Variants in TAF2 observed in about 807,000 individuals in gnomAD.
The protein encoded by TAF2 is transcription initiation factor TFIID subunit 2.
A neutral mutation model predicts 138.5 loss-of-function variants in TAF2; 61 were observed. The observed-to-expected ratio is 0.44, with a 90% CI of 0.36 to 0.54. The LOEUF (loss-of-function observed/expected upper bound fraction) is 0.54. TAF2 is among the 20% of genes least tolerant of loss of function. The pLI, the probability that TAF2 is intolerant of heterozygous loss-of-function variation, is 0.00. For synonymous variants in TAF2, 475 were observed against 469.9 expected, an observed-to-expected ratio of 1.01 and a Z score of -0.14; for missense variants, 1,090 against 1,427.9, an observed-to-expected ratio of 0.76 and a Z score of 3.81.
At chr8:119,754,190 T>G (rs1437595546) in intron 22 of TAF2, among the ~76,000 whole-genome samples, 1 of 152,190 alleles carries the variant, frequency 6.6e-6, no homozygotes, top group Non-Finnish European at 1.5e-5. Context: ...CTCGGTGGTA[T>G]TGCACTGTTA....
At position 119,754,265 on chromosome 8, in the gene TAF2, T is replaced by A. The variant is rs376762794; in HGVS notation, c.2878+1741A>T. 6.6e-5 allele frequency among the ~76,000 whole-genome samples: 10 copies of A among 152,276 alleles called. No homozygotes were observed. The East Asian group carries it at 9.7e-4, about 15-fold the overall frequency. ...ATCTCAATATTAGTGAACTAAGTAATAAAATAAAAGAATTAAAATTTGGTA... is the reference window on the plus strand; with the variant it reads ...ATCTCAATATTAGTGAACTAAGTAAAAAAATAAAAGAATTAAAATTTGGTA... On this transcript the variant is annotated intron_variant, in intron 22 of 25. Coordinates refer to ENST00000378164, the MANE Select transcript of TAF2 (RefSeq NM_003184.4).
rs1820024222 is a variant in TAF2, at chr8:119,747,021, CTTTAT to C, written c.2879-92_2879-88del. The C allele has an allele frequency of 1.7e-4, 236 of 1,383,350 alleles. 1 individual carries two copies. In the South Asian group the frequency reaches 2.8e-3, roughly 16 times the overall value. The allele number at this position is 1,383,350 out of a possible 1,614,324, so 85.7% of individuals were successfully genotyped here. A position where few individuals can be genotyped will look rare whatever the true frequency, so the allele number is the denominator to read the frequency against. On this transcript the variant is annotated intron_variant, in intron 22 of 25. Transcript: ENST00000378164. ...CCCAGAACCTGAACAACAAAAGGAA[CTTTAT>C]AACTGGAAAAACCTTTATCACACCT...
chr8:119,802,584 A>G (rs2131209824), intron 5 of TAF2, among the ~76,000 whole-genome samples: 1 of 152,286 alleles, frequency 6.6e-6, no homozygotes, highest in Non-Finnish European at 1.5e-5. Flanking sequence ...AAAGTGTGTA[A>G]GACATTATCC....
chr8:119,745,205 T>C (rs1033025223), intron 23 of TAF2, among the ~76,000 whole-genome samples: 1 of 152,146 alleles, frequency 6.6e-6, no homozygotes, highest in Non-Finnish European at 1.5e-5. Context: ...CTGGTCTTTT[T>C]GGGGGGAGAA....
chr8:119,789,787 T>C, intron 11 of TAF2, 41 bp from the exon 12 acceptor site: 2 of 1,574,330 alleles, frequency 1.3e-6, no homozygotes, highest in Non-Finnish European at 1.7e-6. Flanking sequence ...TATAACAGAT[T>C]CTTTTCAATT....
chr8:119,789,472 A>G (rs1272065019), intron 12 of TAF2, 120 bp downstream of exon 12: 4 of 1,213,842 alleles, frequency 3.3e-6, no homozygotes, highest in Non-Finnish European at 4.8e-6. Context: ...ACCATTGTTT[A>G]GAAATATAAA....
intron 3 of TAF2, among the ~76,000 whole-genome samples, chr8:119,815,426 C>T (rs1825392242): frequency 6.6e-6 from 1 of 151,692 alleles, no homozygotes; most frequent in Admixed American, 6.6e-5. Flanking sequence ...AGGCGCCTGC[C>T]ACCACACCTG....
At chr8:119,831,195 C>T (rs947523540) in intron 2 of TAF2, among the ~76,000 whole-genome samples, 3 of 152,054 alleles carry the variant, frequency 2.0e-5, no homozygotes, top group Admixed American at 6.5e-5. Context: ...TAAATTGTGT[C>T]GGGAGGCAGG....
intron 5 of TAF2, among the ~76,000 whole-genome samples, chr8:119,803,484 A>C (rs1824404760): frequency 6.6e-6 from 1 of 152,144 alleles, no homozygotes; most frequent in Admixed American, 6.5e-5. Context: ...TGAGGTCAGG[A>C]ATTAAAGGCC....
intron 4 of TAF2, among the ~76,000 whole-genome samples, chr8:119,804,352 C>T (rs1474974072): frequency 6.6e-6 from 1 of 152,170 alleles, no homozygotes; most frequent in Non-Finnish European, 1.5e-5. Flanking sequence ...CACACTTAGG[C>T]CTTCCAAATC....
At chr8:119,823,133 C>T (rs1348044530) in intron 2 of TAF2, among the ~76,000 whole-genome samples, 1 of 152,166 alleles carries the variant, frequency 6.6e-6, no homozygotes, top group Non-Finnish European at 1.5e-5. Context: ...GTTCAAGACT[C>T]AAGGTTTTAA....
chr8:119,732,435 C>A (rs967067530), intron 25 of TAF2, among the ~76,000 whole-genome samples: 51 of 152,154 alleles, frequency 3.4e-4, no homozygotes, highest in African/African-American at 1.2e-3. Context: ...CAGTGTGTTA[C>A]CAAATCATCT....
intron 3 of TAF2, among the ~76,000 whole-genome samples, chr8:119,816,326 G>GGATTACA (rs1477621151): frequency 6.6e-6 from 1 of 150,740 alleles, no homozygotes; most frequent in Non-Finnish European, 1.5e-5. Flanking sequence ...CAGAGTGCTG[G>GGATTACA]GATTACAGGC....
chr8:119,804,441 G>A (rs1452267629), intron 4 of TAF2, among the ~76,000 whole-genome samples: 2 of 152,130 alleles, frequency 1.3e-5, no homozygotes, highest in Non-Finnish European at 2.9e-5. Flanking sequence ...ACTCCCATGT[G>A]GTATGGGAGG....
intron 3 of TAF2, among the ~76,000 whole-genome samples, chr8:119,815,493 C>T (rs912027094): frequency 3.3e-5 from 5 of 151,832 alleles, no homozygotes; most frequent in African/African-American, 9.7e-5. Context: ...CCAGGATGGT[C>T]TCGATCCCCT....
At chr8:119,816,664 T>C (rs1825498219) in intron 3 of TAF2, among the ~76,000 whole-genome samples, 1 of 152,216 alleles carries the variant, frequency 6.6e-6, no homozygotes, top group Non-Finnish European at 1.5e-5. Context: ...AAGTTCTCTT[T>C]AAAAATAACA....
At position 119,812,832 on chromosome 8, in the gene TAF2, T is replaced by C. The variant is rs574798816; in HGVS notation, c.300-6431A>G. 2.6e-5 allele frequency among the ~76,000 whole-genome samples: 4 copies of C among 151,872 alleles called. No homozygotes were observed. In the South Asian group the frequency reaches 8.3e-4, roughly 32 times the overall value. On this transcript the variant is annotated intron_variant, in intron 3 of 25. Coordinates refer to ENST00000378164, the MANE Select transcript of TAF2 (RefSeq NM_003184.4). ...TACACCACACATACACACCATTTCC[T>C]TTATCCACTCATCAGTTAAATGTGG...
intron 14 of TAF2, among the ~76,000 whole-genome samples, chr8:119,788,136 T>C (rs1823154362): frequency 6.6e-6 from 1 of 152,042 alleles, no homozygotes; most frequent in Non-Finnish European, 1.5e-5. Context: ...ATACCTAATG[T>C]AGATGACAGG....
chr8:119,737,390 T>C (rs1284098183), intron 25 of TAF2, among the ~76,000 whole-genome samples: 1 of 152,052 alleles, frequency 6.6e-6, no homozygotes, highest in Admixed American at 6.6e-5. Context: ...ATGGGTAAGA[T>C]TAAATAAGAC....
Sources: gnomAD v4.1 joint callset for allele counts (sites outside exome capture counted in the v4.1 genomes callset) on GRCh38, gnomAD v4.1.1 for gene constraint, MANE v1.5 for transcripts, NCBI Gene and HGNC (gene_info 2026-07-23, HGNC 2026-07-21) for gene names.